THNSL1: variants seen among roughly 807,000 people sequenced by gnomAD.
The protein encoded by THNSL1 is threonine synthase-like 1.
A neutral mutation model predicts 50.4 loss-of-function variants in THNSL1; 48 were observed. The observed-to-expected ratio is 0.95, with a 90% CI of 0.76 to 1.21. The LOEUF is 1.21. Ranked by LOEUF, THNSL1 falls within the 50% of genes most tolerant of loss-of-function variation. The pLI, the probability that THNSL1 is intolerant of heterozygous loss-of-function variation, is 0.00. For synonymous variants in THNSL1, 309 were observed against 306.1 expected (o/e 1.01, Z -0.10); for missense variants, 896 against 871.7 (o/e 1.03, Z -0.35).
the THNSL1 span, chr10:24,990,723 CA>C: frequency 9.4e-7 from 1 of 1,064,330 alleles, no homozygotes; most frequent in Non-Finnish European, 1.3e-6. Context: ...ATCCTTTGTT[CA>C]AAACCCTGTA....
chr10:25,024,891 A>G lies in THNSL1; in HGVS notation c.1668A>G (p.Leu556=), dbSNP rs770231993. ...ATTATGATCTAAGGGAAAGAAAACT[A>G]GCACAAACCTTTTCACCGTCAATAG... ...TGHYDLRERK[L]AQTFSPSIDI... is the part of the protein sequence containing the mutation. Residue 556 remains leucine (L), a synonymous_variant, in exon 3 of 3, where the codon CTA becomes CTG. Transcript: ENST00000376356. 1.2e-6 allele frequency: 2 copies of G among 1,613,946 alleles called. No homozygotes were observed. Among genetic ancestry groups the G allele is most frequent in the South Asian group, 2.2e-5 (2 of 91,062 alleles).
chr10:24,973,413 C>T, the THNSL1 span, among the ~76,000 whole-genome samples: 8 of 151,688 alleles, frequency 5.3e-5, no homozygotes, highest in South Asian at 2.1e-4. Context: ...TGGAGCAGGA[C>T]GGTGCAAGAT....
chr10:25,015,864 G>C, upstream of THNSL1: 1 of 1,603,328 alleles, frequency 6.2e-7, no homozygotes, highest in Non-Finnish European at 8.5e-7. Flanking sequence ...ACATACCTAG[G>C]AGGCTGGGGA....
the THNSL1 span, among the ~76,000 whole-genome samples, chr10:24,976,152 TA>T: frequency 6.6e-6 from 1 of 152,182 alleles, no homozygotes; most frequent in African/African-American, 2.4e-5. Flanking sequence ...TAAGTACCTT[TA>T]GCAAGATCAT....
rs377444195 is a variant in THNSL1 at position 25,023,872 on chromosome 10, C to T, written c.649C>T (p.Leu217=). The T allele has an allele frequency of 1.9e-5, 31 of 1,613,998 alleles. No individual in the cohort carries two copies. The highest frequency in any genetic ancestry group is 3.3e-4 in the Middle Eastern group (2 of 6,084). ...ASPEEVADKV[L]NAIKRYQDVD... is the part of the protein sequence containing the mutation. The stretch of plus-strand genomic sequence containing the variant: ...CCCAGAGGAGGTAGCTGACAAAGTG[C>T]TGAATGCAATTAAAAGATACCAAGA... Residue 217 remains leucine (L), a synonymous_variant, in exon 3 of 3, where the codon CTG becomes TTG. Transcript: ENST00000376356.
chr10:24,990,490 G>A, the THNSL1 span: 77 of 1,613,314 alleles, frequency 4.8e-5, no homozygotes, highest in East Asian at 1.0e-3. Context: ...TTTCTTCATC[G>A]GAGAGCCTTT....
the THNSL1 span, among the ~76,000 whole-genome samples, chr10:25,010,445 T>A: frequency 3.9e-4 from 60 of 151,954 alleles, no homozygotes; most frequent in East Asian, 1.4e-3. Context: ...ACTCATTTTT[T>A]TTATTATTAT....
the THNSL1 span, among the ~76,000 whole-genome samples, chr10:24,972,052 C>T: frequency 3.4e-5 from 5 of 148,862 alleles, no homozygotes; most frequent in South Asian, 4.3e-4. Flanking sequence ...ATTAGCTGGG[C>T]GTGGTAGCGG....
At chr10:24,995,706 T>C in the THNSL1 span, 21 of 1,613,990 alleles carry the variant, frequency 1.3e-5, no homozygotes, top group African/African-American at 2.4e-4. Context: ...TGTCTCCAGT[T>C]CTTTTATCAA....
chr10:24,992,605 G>A, the THNSL1 span, among the ~76,000 whole-genome samples: 2 of 152,190 alleles, frequency 1.3e-5, no homozygotes, highest in Non-Finnish European at 2.9e-5. Flanking sequence ...GACAAGCAAT[G>A]TTTAGATTTT....
chr10:24,988,312 GTGTGTATATATATTTATATA>G, the THNSL1 span, among the ~76,000 whole-genome samples: 2 of 139,482 alleles, frequency 1.4e-5, no homozygotes, highest in Admixed American at 7.2e-5. Flanking sequence ...ATATTTATAT[GTGTGTATATATATTTATATA>G]TGTGTATATA....
the THNSL1 span, among the ~76,000 whole-genome samples, chr10:24,996,598 T>C: frequency 6.6e-6 from 1 of 152,178 alleles, no homozygotes; most frequent in Non-Finnish European, 1.5e-5. Flanking sequence ...AATGCAAAAA[T>C]GTGAAATAAT....
At position 25,023,743 on chromosome 10, in the gene THNSL1, G is replaced by C; in HGVS notation, c.520G>C (p.Val174Leu). 1.2e-6 allele frequency: 2 copies of C among 1,613,914 alleles called. No homozygotes were observed. Among genetic ancestry groups the C allele is most frequent in the Non-Finnish European group, 1.7e-6 (2 of 1,180,008 alleles). ...AAAATTAATGAAGACAGATAGGATT[G>C]TAGGTCAGAATTCTGGAACATCTAT... ...RLKLMKTDRI[V>L]GQNSGTSMKD... Residue 174 changes from valine to leucine, a missense_variant, in exon 3 of 3, where the codon GTA (valine) becomes CTA (leucine). Physicochemically the swap from Val to Leu is conservative, Grantham distance 32. Coordinates refer to ENST00000376356, the MANE Select transcript of THNSL1 (RefSeq NM_024838.5).
chr10:25,016,210 C>T (rs987274), upstream of THNSL1: 431,487 of 1,144,408 alleles, frequency 0.38, 84,826 homozygotes, highest in African/African-American at 0.66. Flanking sequence ...CAGGCAGCAC[C>T]GCAAACTAGG....
chr10:25,007,595 C>A, the THNSL1 span, among the ~76,000 whole-genome samples: 1 of 152,090 alleles, frequency 6.6e-6, no homozygotes, highest in South Asian at 2.1e-4. Flanking sequence ...CCACCACACC[C>A]GGGTAATTTT....
chr10:25,002,877 C>T, the THNSL1 span, among the ~76,000 whole-genome samples: 2 of 151,570 alleles, frequency 1.3e-5, no homozygotes, highest in Admixed American at 6.6e-5. Flanking sequence ...GAAGTTGGGG[C>T]TGGCAGATAT....
chr10:25,021,228 A>G (rs948061420), intron 1 of THNSL1, among the ~76,000 whole-genome samples: 2 of 152,230 alleles, frequency 1.3e-5, no homozygotes, highest in South Asian at 4.1e-4. Flanking sequence ...GCTAACCACT[A>G]TGATATGTGC....
At chr10:24,958,765 T>C in the THNSL1 span, among the ~76,000 whole-genome samples, 2 of 151,900 alleles carry the variant, frequency 1.3e-5, no homozygotes, top group African/African-American at 4.8e-5. Flanking sequence ...TTTGTTCTCT[T>C]GCAATAATGT....
At chr10:24,997,563 A>AT in the THNSL1 span, among the ~76,000 whole-genome samples, 21 of 151,680 alleles carry the variant, frequency 1.4e-4, no homozygotes, top group African/African-American at 5.1e-4. Flanking sequence ...ATTAAAAAAA[A>AT]TTTTTTATAG....
Sources: allele counts gnomAD v4.1 joint callset (sites outside exome capture counted in the v4.1 genomes callset), GRCh38; gene constraint gnomAD v4.1.1; transcripts MANE v1.5; gene names NCBI Gene and HGNC (gene_info 2026-07-23, HGNC 2026-07-21).